The following NOLC1 variants were observed in gnomAD, a reference collection of about 807,000 sequenced individuals.
The protein encoded by NOLC1 is nucleolar and coiled-body phosphoprotein 1, also known as 140 kDa nucleolar phosphoprotein.
Under a neutral mutation model 73.4 loss-of-function variants are expected in NOLC1, and 37 were observed. The ratio of observed to expected loss-of-function variants is 0.50; its 90% CI spans 0.39 to 0.66. NOLC1 has a LOEUF of 0.66. NOLC1 is among the 30% of genes least tolerant of loss of function. The pLI, the probability that NOLC1 is intolerant of heterozygous loss-of-function variation, is 0.00. For missense variants in NOLC1, 921 were observed against 838.9 expected, an observed-to-expected ratio of 1.10 and a Z score of -1.21; for synonymous variants, 327 against 302.6, an observed-to-expected ratio of 1.08 and a Z score of -0.84.
intron 1 of NOLC1, among the ~76,000 whole-genome samples, chr10:102,152,737 T>A (rs2069527285): frequency 6.6e-6 from 1 of 152,064 alleles, no homozygotes; most frequent in African/African-American, 2.4e-5. Context: ...TATCGCTGAG[T>A]CTTGTTGCTT....
intron 10 of NOLC1, 60 bp downstream of exon 10, chr10:102,161,153 C>T (rs2069703402): frequency 6.6e-7 from 1 of 1,505,392 alleles, no homozygotes; most frequent in African/African-American, 1.4e-5. Flanking sequence ...ATGGGATATA[C>T]TCTTTGAGAG....
At chr10:102,154,858 G>C (rs2069564332) in intron 1 of NOLC1, among the ~76,000 whole-genome samples, 1 of 151,658 alleles carries the variant, frequency 6.6e-6, no homozygotes, top group Non-Finnish European at 1.5e-5. Context: ...GTATTGTTTT[G>C]TGTTTGTTTG....
chr10:102,156,625 G>A (rs1048036267), intron 1 of NOLC1, among the ~76,000 whole-genome samples: 1 of 151,914 alleles, frequency 6.6e-6, no homozygotes, highest in East Asian at 1.9e-4. Context: ...AGTAGAGATG[G>A]GGTTTCACCA....
rs746943493 is a variant in NOLC1, at chr10:102,161,853, C to T, written c.1869C>T (p.Ser623=). ...KRKKGEKRAS[S]PFRRVREEEI... is the part of the protein sequence containing the mutation. ...TGTAGGGAGAAAAAAGGGCATCATC[C>T]CCATTCCGAAGGGTCAGGGAGGAGG... is the stretch of plus-strand genomic sequence containing the variant. The change falls in exon 12 of 13, where the codon TCC becomes TCT. Residue 623 remains serine (S), a synonymous_variant. Coordinates refer to ENST00000605788, the MANE Select transcript of NOLC1 (RefSeq NM_004741.5). The T allele has an allele frequency of 1.9e-6, 3 of 1,614,012 alleles. No individual in the cohort carries two copies. The highest frequency in any genetic ancestry group is 2.2e-5 in the South Asian group (2 of 91,076).
At chr10:102,155,392 A>AAG (rs35854290) in intron 1 of NOLC1, among the ~76,000 whole-genome samples, 42 of 151,022 alleles carry the variant, frequency 2.8e-4, no homozygotes, top group South Asian at 8.4e-4. Flanking sequence ...AAAAAAAAAA[A>AAG]AGAGAGAGAG....
intron 5 of NOLC1, among the ~76,000 whole-genome samples, 196 bp downstream of exon 5, chr10:102,158,410 T>A (rs1022918099): frequency 1.3e-5 from 2 of 152,236 alleles, no homozygotes; most frequent in Non-Finnish European, 2.9e-5. Context: ...GAGAAAGTTA[T>A]TGCAGCAAGA....
intron 11 of NOLC1, 49 bp from the exon 12 acceptor site, chr10:102,161,784 C>A: frequency 6.4e-7 from 1 of 1,568,542 alleles, no homozygotes; most frequent in Non-Finnish European, 8.8e-7. Context: ...CTCAGGAGAA[C>A]TGTTACATGA....
intron 1 of NOLC1, among the ~76,000 whole-genome samples, chr10:102,152,863 C>T (rs886066274): frequency 6.6e-6 from 1 of 152,232 alleles, no homozygotes; most frequent in Non-Finnish European, 1.5e-5. Flanking sequence ...GTTGGTTCTT[C>T]GGCATCTTCT....
At chr10:102,153,875 G>A (rs1021928245) in intron 1 of NOLC1, among the ~76,000 whole-genome samples, 1 of 151,418 alleles carries the variant, frequency 6.6e-6, no homozygotes. Context: ...GTTTCACCAT[G>A]TTGGCCAGGC....
intron 5 of NOLC1, among the ~76,000 whole-genome samples, chr10:102,158,866 G>A (rs962684958): frequency 5.9e-5 from 9 of 151,852 alleles, no homozygotes; most frequent in East Asian, 1.9e-4. Context: ...AGGCTGAGGC[G>A]GGCGGATTGC....
In NOLC1 at chr10:102,160,470, A is replaced by T; in HGVS notation, c.1118A>T (p.Asp373Val). The change falls in exon 10 of 13, where the codon GAT (aspartate) becomes GTT (valine). Residue 373 changes from aspartate to valine, a missense_variant. Physicochemically the swap from Asp to Val is radical, Grantham distance 152. Transcript: ENST00000605788. ...SDSSDSDSSE[D>V]DEAPSKPAGT... ...TGTCTAGACTCTGACAGCTCTGAGGATGATGAAGCTCCTTCTAAGCCAGCT... is the reference window on the plus strand; with the variant it reads ...TGTCTAGACTCTGACAGCTCTGAGGTTGATGAAGCTCCTTCTAAGCCAGCT... 2.5e-6 allele frequency: 4 copies of T among 1,613,784 alleles called. No homozygotes were observed. Among genetic ancestry groups the T allele is most frequent in the Non-Finnish European group, 3.4e-6 (4 of 1,179,854 alleles).
Position 102,162,305 on chromosome 10 carries a change from C to T in NOLC1, c.*36C>T, listed in dbSNP as rs373168606. The T allele has an allele frequency of 6.8e-5, 109 of 1,604,030 alleles. No homozygotes were observed. The highest frequency in any genetic ancestry group is 9.0e-5 in the Non-Finnish European group (106 of 1,173,910). On this transcript the variant is annotated 3_prime_UTR_variant, in exon 13 of 13. Coordinates refer to ENST00000605788, the MANE Select transcript of NOLC1 (RefSeq NM_004741.5). The stretch of plus-strand genomic sequence containing the variant: ...TCTTCGGTGAAGCAAGGGTGATGAT[C>T]GGAGACTACTTACTTTCTCCAGTGG...
chr10:102,159,911 T>C lies in NOLC1; in HGVS notation c.875T>C (p.Val292Ala), dbSNP rs769343390. The change falls in exon 8 of 13, where the codon GTC (valine) becomes GCC (alanine). Residue 292 changes from valine (V) to alanine (A), a missense_variant. Physicochemically the swap from Val to Ala is moderately conservative, Grantham distance 64. Coordinates refer to ENST00000605788, the MANE Select transcript of NOLC1 (RefSeq NM_004741.5). ...MKNKPGPYSSVPPPSAPPPKK... is the reference protein window; with the variant it reads ...MKNKPGPYSSAPPPSAPPPKK... ...TTTTAAACAGGTCCCTACAGTTCAG[T>C]CCCCCCGCCTTCTGCTCCCCCACCA... 6 of 1,597,652 alleles carry C rather than the reference T, an allele frequency of 3.8e-6. No individual in the cohort carries two copies. The South Asian group carries it at 6.8e-5, about 18-fold the overall frequency.
At position 102,152,431 on chromosome 10, in the gene NOLC1, C is replaced by T. The variant is rs760954180; in HGVS notation, c.21C>T (p.Arg7=). The T allele has an allele frequency of 6.2e-7, 1 of 1,611,964 alleles. No individual in the cohort carries two copies. The highest frequency in any genetic ancestry group is 8.5e-7 in the Non-Finnish European group (1 of 1,180,028). ...GGAGGATGGCGGACGCCGGCATTCG[C>T]CGCGTGGTTCCCAGCGACCTGTATC... MADAGI[R]RVVPSDLYPL... Residue 7 remains arginine (R), a synonymous_variant, in exon 1 of 13, where the codon CGC becomes CGT. Coordinates refer to ENST00000605788, the MANE Select transcript of NOLC1 (RefSeq NM_004741.5).
chr10:102,161,896 C>T lies in NOLC1; in HGVS notation c.1912C>T (p.Arg638Ter), dbSNP rs1172040808. ...GGAGGAGGAAATTGAGGTGGATTCA[C>T]GAGTTGCGGACAACTCCTTTGATGC... The part of the protein sequence containing the change: ...VREEEIEVDS[R>*]VADNSFDAKR... Residue 638 changes from arginine (R) to a stop codon, truncating the protein, a stop_gained, in exon 12 of 13, where the codon CGA becomes TGA. Coordinates refer to ENST00000605788, the MANE Select transcript of NOLC1 (RefSeq NM_004741.5). LOFTEE classifies it high-confidence loss of function. The T allele has an allele frequency of 1.2e-6, 2 of 1,614,062 alleles. No homozygotes were observed. Among genetic ancestry groups the T allele is most frequent in the Non-Finnish European group, 1.7e-6 (2 of 1,179,986 alleles).
Position 102,157,685 on chromosome 10 carries a change from G to T in NOLC1, c.441+130G>T, listed in dbSNP as rs376042641. The T allele has an allele frequency of 6.8e-5, 74 of 1,088,022 alleles. No individual in the cohort carries two copies. The African/African-American group carries it at 1.0e-3, about 15-fold the overall frequency. The allele number at this position is 1,088,022 out of a possible 1,614,324, so 67.4% of individuals were successfully genotyped here. A position where few individuals can be genotyped will look rare whatever the true frequency, so the allele number is the denominator to read the frequency against. ...GGTGATTATGAGGAAGAAAATCTGGGGATTTTCAGGGAGCTGATAAAAGTA... is the reference window on the plus strand; with the variant it reads ...GGTGATTATGAGGAAGAAAATCTGGTGATTTTCAGGGAGCTGATAAAAGTA... On this transcript the variant is annotated intron_variant, in intron 4 of 12. Transcript: ENST00000605788.
At position 102,159,318 on chromosome 10, in the gene NOLC1, A is replaced by G. The variant is rs754803750; in HGVS notation, c.723+10A>G. On this transcript the variant is annotated intron_variant, in intron 6 of 12. Transcript: ENST00000605788. ...AGCCACCCCCAAGAAGGTCTGGACC[A>G]TAACTTCTGTCAGGGCAGAGGTGAC... The G allele has an allele frequency of 3.1e-6, 5 of 1,614,142 alleles. No individual in the cohort carries two copies. The highest frequency in any genetic ancestry group is 3.3e-5 in the Admixed American group (2 of 60,010).
intron 6 of NOLC1, 45 bp downstream of exon 6, chr10:102,159,353 ATG>A: frequency 6.2e-7 from 1 of 1,613,598 alleles, no homozygotes; most frequent in South Asian, 1.1e-5. Context: ...CCAGGGTGTG[ATG>A]TGTGTGTGTC....
intron 5 of NOLC1, 41 bp from the exon 6 acceptor site, chr10:102,159,152 C>A: frequency 6.2e-7 from 1 of 1,606,646 alleles, no homozygotes; most frequent in Non-Finnish European, 8.5e-7. Flanking sequence ...TCCTGACTTG[C>A]CCTAATACTC....
Sources: gnomAD v4.1 joint callset for allele counts (sites outside exome capture counted in the v4.1 genomes callset) on GRCh38, gnomAD v4.1.1 for gene constraint, MANE v1.5 for transcripts, NCBI Gene and HGNC (gene_info 2026-07-23, HGNC 2026-07-21) for gene names.